Variants in FLT1 observed in about 807,000 individuals in gnomAD.
FLT1 encodes the protein vascular endothelial growth factor receptor 1.
A neutral mutation model predicts 156.3 loss-of-function variants in FLT1; 49 were observed. The ratio of observed to expected loss-of-function variants is 0.31; its 90% CI spans 0.25 to 0.40. The LOEUF (loss-of-function observed/expected upper bound fraction) is 0.40. FLT1 is among the 10% of genes least tolerant of loss of function. The pLI is 1.00. For missense variants in FLT1, 1,322 were observed against 1,637.2 expected (o/e 0.81, Z 3.32); for synonymous variants, 594 against 583.8 (o/e 1.02, Z -0.25).
chr13:28,329,781 G>GCCT, intron 18 of FLT1, 53 bp from the exon 19 acceptor site: 4 of 1,429,896 alleles, frequency 2.8e-6, no homozygotes, highest in Non-Finnish European at 3.9e-6. Context: ...GGCTCCTTCC[G>GCCT]CCGGAGGCGG....
At chr13:28,305,650 G>A (rs186362187) in intron 29 of FLT1, among the ~76,000 whole-genome samples, 35 of 152,286 alleles carry the variant, frequency 2.3e-4, no homozygotes, top group South Asian at 2.3e-3. Flanking sequence ...TATTGTCTAC[G>A]GTTGCTTTTT....
chr13:28,427,735 A>G lies in FLT1; in HGVS notation c.1276+17T>C. 1.2e-6 allele frequency: 2 copies of G among 1,610,948 alleles called. No individual in the cohort carries two copies. Among genetic ancestry groups the G allele is most frequent in the East Asian group, 2.2e-5 (1 of 44,864 alleles). On this transcript the variant is annotated intron_variant, in intron 9 of 29. Transcript: ENST00000282397. ...TTGCCTACCAGAACCAGAAGAAAGT[A>G]TGAACAGCAAACTTACCATTGACAA...
intron 20 of FLT1, 23 bp downstream of exon 20, chr13:28,327,439 C>A (rs1185563387): frequency 2.7e-6 from 4 of 1,459,270 alleles, no homozygotes; most frequent in Non-Finnish European, 1.9e-6. Context: ...TCTTTAAAAA[C>A]CTCCAACTTT....
chr13:28,336,213 C>T (rs1400795092), intron 17 of FLT1, among the ~76,000 whole-genome samples: 3 of 152,164 alleles, frequency 2.0e-5, no homozygotes, highest in Non-Finnish European at 4.4e-5. Flanking sequence ...TGCTTCTTAT[C>T]ATTGAGAATA....
Position 28,418,552 on chromosome 13 carries a change from C to T in FLT1, c.1436+8607G>A, listed in dbSNP as rs57240930. On this transcript the variant is annotated intron_variant, in intron 10 of 29. Coordinates refer to ENST00000282397, the MANE Select transcript of FLT1 (RefSeq NM_002019.4). ...CAGGGAAAAATAACCTTCTGGAAGA[C>T]CAATCTATCTAGCCCCTTGTATTTT... Among the ~76,000 whole-genome samples, 588 of 152,216 alleles carry T rather than the reference C, an allele frequency of 3.9e-3. 3 individuals carry two copies. Among genetic ancestry groups the T allele is most frequent in the African/African-American group, 0.013 (560 of 41,534 alleles).
chr13:28,452,499 C>T (rs992909981), intron 3 of FLT1, among the ~76,000 whole-genome samples: 1 of 152,154 alleles, frequency 6.6e-6, no homozygotes, highest in East Asian at 1.9e-4. Flanking sequence ...CTCATCTGAT[C>T]TGGTCCCATC....
intron 1 of FLT1, among the ~76,000 whole-genome samples, chr13:28,492,852 A>G (rs1296548126): frequency 6.6e-6 from 1 of 152,206 alleles, no homozygotes; most frequent in African/African-American, 2.4e-5. Context: ...ATGCCGACTG[A>G]GCTAACATGA....
intron 14 of FLT1, among the ~76,000 whole-genome samples, chr13:28,373,880 CTCTT>C (rs1873730330): frequency 6.6e-6 from 1 of 152,172 alleles, no homozygotes; most frequent in South Asian, 2.1e-4. Context: ...TGTATCTCTT[CTCTT>C]TGTTTTTCTT....
intron 10 of FLT1, among the ~76,000 whole-genome samples, chr13:28,412,389 T>TTTCTTTCTTTCTTTCTTTCCTTCC (rs1876336378): frequency 7.2e-6 from 1 of 139,122 alleles, no homozygotes; most frequent in African/African-American, 2.7e-5. Context: ...TCTTTCTTTC[T>TTTCTTTCTTTCTTTCTTTCCTTCC]TTCTTTCTTT....
rs1043451314 is a variant in FLT1 at position 28,377,328 on chromosome 13, T to C, written c.2116+7557A>G. Reference sequence around the variant, plus strand: ...ACAGCTAACAACAATTGAGAACTTATTGTATGCACAGCATGAACATAGGAA... The same window carrying C: ...ACAGCTAACAACAATTGAGAACTTACTGTATGCACAGCATGAACATAGGAA... On this transcript the variant is annotated intron_variant, in intron 14 of 29. Transcript: ENST00000282397. Among the ~76,000 whole-genome samples, 7 of 152,220 alleles carry C rather than the reference T, an allele frequency of 4.6e-5. No individual in the cohort carries two copies. In the East Asian group the frequency reaches 9.6e-4, roughly 21 times the overall value.
intron 25 of FLT1, among the ~76,000 whole-genome samples, chr13:28,314,176 C>T (rs1871113859): frequency 6.6e-6 from 1 of 152,262 alleles, no homozygotes; most frequent in Non-Finnish European, 1.5e-5. Flanking sequence ...GCTCTGGGCT[C>T]GTCTCCTCCT....
intron 11 of FLT1, among the ~76,000 whole-genome samples, chr13:28,397,510 C>G (rs749229246): frequency 3.9e-5 from 6 of 152,034 alleles, no homozygotes; most frequent in Non-Finnish European, 7.4e-5. Flanking sequence ...GGTTCTATAA[C>G]AGGCATGTTA....
chr13:28,321,699 G>T, intron 22 of FLT1, 114 bp from the exon 23 acceptor site: 1 of 1,068,424 alleles, frequency 9.4e-7, no homozygotes, highest in Non-Finnish European at 1.4e-6. Context: ...GCTGTGAAGG[G>T]AGCACCTCTC....
At chr13:28,446,241 A>G (rs545886681) in intron 3 of FLT1, among the ~76,000 whole-genome samples, 67 of 152,348 alleles carry the variant, frequency 4.4e-4, no homozygotes, top group Non-Finnish European at 7.8e-4. Flanking sequence ...CCCTAAGATC[A>G]GGAATAAGAC....
At chr13:28,465,143 G>A (rs747450480) in intron 3 of FLT1, among the ~76,000 whole-genome samples, 54 of 152,248 alleles carry the variant, frequency 3.5e-4, no homozygotes, top group Non-Finnish European at 6.5e-4. Flanking sequence ...CTCTCTGAAA[G>A]TCTCTGCTCT....
At position 28,431,252 on chromosome 13, in the gene FLT1, A is replaced by G; in HGVS notation, c.872T>C (p.Ile291Thr). The G allele has an allele frequency of 6.2e-7, 1 of 1,613,914 alleles. No homozygotes were observed. The highest frequency in any genetic ancestry group is 1.1e-5 in the South Asian group (1 of 91,070). ...RIDQSNSHANIFYSVLTIDKM... is the reference protein window; with the variant it reads ...RIDQSNSHANTFYSVLTIDKM... ...GTCAATAGTAAGAACACTGTAGAAT[A>G]TGTTGGCATGGGAATTGCTTTGGTC... The change falls in exon 7 of 30, where the codon ATA (isoleucine) becomes ACA (threonine). Residue 291 changes from isoleucine to threonine, a missense_variant. Ile to Thr is a moderately conservative substitution (Grantham distance 89). Around this residue, in one of 3 missense-constraint regions of FLT1, gnomAD observed 991 missense variants for 1,254.8 expected, o/e 0.79. Transcript: ENST00000282397.
intron 14 of FLT1, among the ~76,000 whole-genome samples, chr13:28,372,046 GTGTATATATA>G (rs1419194380): frequency 3.5e-5 from 2 of 56,806 alleles, no homozygotes; most frequent in Admixed American, 2.1e-4. Flanking sequence ...GTGTGTGTGT[GTGTATATATA>G]TATATATATA....
chr13:28,386,613 T>C, intron 13 of FLT1: 1 of 1,055,952 alleles, frequency 9.5e-7, no homozygotes, highest in Non-Finnish European at 1.1e-6. Flanking sequence ...ATATTTCTGT[T>C]TTTGCATTGG....
intron 18 of FLT1, 106 bp from the exon 19 acceptor site, chr13:28,329,834 C>A (rs1398134919): frequency 1.0e-5 from 9 of 879,026 alleles, no homozygotes. Context: ...CCGGTTGCTT[C>A]ACTAACTTCC....
Sources: gnomAD v4.1 joint callset for allele counts (sites outside exome capture counted in the v4.1 genomes callset) on GRCh38, gnomAD v4.1.1 for gene constraint, gnomAD v4.1.1 regional missense constraint, MANE v1.5 for transcripts, NCBI Gene and HGNC (gene_info 2026-07-23, HGNC 2026-07-21) for gene names.